NKAIN2: variants seen among roughly 807,000 people sequenced by gnomAD.
NKAIN2 encodes sodium/potassium transporting ATPase interacting 2, also known as sodium/potassium-transporting ATPase subunit beta-1-interacting protein 2.
A neutral mutation model predicts 32.6 loss-of-function variants in NKAIN2; 14 were observed. The observed-to-expected ratio is 0.43, with a 90% CI of 0.28 to 0.67. The LOEUF (loss-of-function observed/expected upper bound fraction) is 0.67. Ranked by LOEUF, NKAIN2 falls within the 30% of genes least tolerant of loss-of-function variation. The pLI, the probability that NKAIN2 is intolerant of heterozygous loss-of-function variation, is 0.17. For missense variants in NKAIN2, 198 were observed against 258.3 expected, an observed-to-expected ratio of 0.77 and a Z score of 1.60; for synonymous variants, 80 against 87.2, an observed-to-expected ratio of 0.92 and a Z score of 0.46.
intron 2 of NKAIN2, among the ~76,000 whole-genome samples, chr6:124,290,510 A>ATG (rs56389666): frequency 0.14 from 19,623 of 137,662 alleles, 1,505 homozygotes; most frequent in Non-Finnish European, 0.18. Flanking sequence ...TACCTCAGAA[A>ATG]TGTGTGTGTG....
Position 124,791,319 on chromosome 6 carries a change from G to T in NKAIN2, c.475-20G>T, listed in dbSNP as rs770172414. On this transcript the variant is annotated intron_variant, in intron 4 of 6. Coordinates refer to ENST00000368417, the MANE Select transcript of NKAIN2 (RefSeq NM_001040214.3). ...TTGGTGCCTTTTTCTGATGTCTAAA[G>T]CATCTCTGTTTTGTTTCAGCTGGCA... is the stretch of plus-strand genomic sequence containing the variant. The T allele has an allele frequency of 7.5e-6, 12 of 1,600,014 alleles. No individual in the cohort carries two copies. Among genetic ancestry groups the T allele is most frequent in the Non-Finnish European group, 9.4e-6 (11 of 1,168,944 alleles).
intron 1 of NKAIN2, among the ~76,000 whole-genome samples, chr6:124,242,149 C>G (rs1443924456): frequency 6.6e-6 from 1 of 152,136 alleles, no homozygotes; most frequent in African/African-American, 2.4e-5. Flanking sequence ...AACTATCCAT[C>G]TGACAAAGAG....
At chr6:124,157,181 G>C (rs1017102074) in intron 1 of NKAIN2, among the ~76,000 whole-genome samples, 1 of 146,458 alleles carries the variant, frequency 6.8e-6, no homozygotes, top group African/African-American at 2.5e-5. Flanking sequence ...AGATATTCTT[G>C]GGATACATAC....
At chr6:123,832,501 T>G (rs1313136137) in intron 1 of NKAIN2, among the ~76,000 whole-genome samples, 1 of 152,174 alleles carries the variant, frequency 6.6e-6, no homozygotes, top group Non-Finnish European at 1.5e-5. Context: ...GAAGCGCAAT[T>G]TTTGTATTCT....
At chr6:124,564,743 T>C (rs1288810243) in intron 3 of NKAIN2, among the ~76,000 whole-genome samples, 2 of 152,314 alleles carry the variant, frequency 1.3e-5, no homozygotes. Context: ...AGAGGATGAT[T>C]GCACAAGTTG....
intron 3 of NKAIN2, among the ~76,000 whole-genome samples, chr6:124,511,772 T>G (rs1247083029): frequency 6.6e-6 from 1 of 152,156 alleles, no homozygotes; most frequent in Non-Finnish European, 1.5e-5. Flanking sequence ...TCTATCCTTG[T>G]GCTCCCTAGG....
At chr6:124,693,464 G>A (rs996774178) in intron 4 of NKAIN2, among the ~76,000 whole-genome samples, 3 of 152,122 alleles carry the variant, frequency 2.0e-5, no homozygotes, top group Non-Finnish European at 4.4e-5. Context: ...AATGATTCAC[G>A]ACTGTTTACT....
intron 1 of NKAIN2, among the ~76,000 whole-genome samples, chr6:124,262,020 C>T (rs1314626352): frequency 4.6e-5 from 7 of 152,040 alleles, no homozygotes; most frequent in East Asian, 1.9e-4. Flanking sequence ...TGAAAATTTG[C>T]GTGTGCCACT....
rs74564404 is a variant in NKAIN2 at position 124,517,631 on chromosome 6, C to T, written c.274-140555C>T. Among the ~76,000 whole-genome samples, 1,492 of 152,192 alleles carry T rather than the reference C, an allele frequency of 9.8e-3. 25 individuals carry two copies. Among genetic ancestry groups the T allele is most frequent in the African/African-American group, 0.034 (1,431 of 41,510 alleles). On this transcript the variant is annotated intron_variant, in intron 3 of 6. Coordinates refer to ENST00000368417, the MANE Select transcript of NKAIN2 (RefSeq NM_001040214.3). ...GTCCTATCCTTTGCCTCCTAGAGAGCCCCTAGTTGTCTTGTAATATTCACC... is the reference window on the plus strand; with the variant it reads ...GTCCTATCCTTTGCCTCCTAGAGAGTCCCTAGTTGTCTTGTAATATTCACC...
At chr6:124,535,458 G>A (rs1410517279) in intron 3 of NKAIN2, among the ~76,000 whole-genome samples, 1 of 152,154 alleles carries the variant, frequency 6.6e-6, no homozygotes, top group Non-Finnish European at 1.5e-5. Flanking sequence ...TGACAATTAT[G>A]TTATAGAATG....
At chr6:124,360,727 A>G (rs895150808) in intron 3 of NKAIN2, among the ~76,000 whole-genome samples, 4 of 152,190 alleles carry the variant, frequency 2.6e-5, no homozygotes, top group African/African-American at 4.8e-5. Context: ...TACACATTTC[A>G]TATAATTATT....
intron 1 of NKAIN2, among the ~76,000 whole-genome samples, chr6:123,924,378 G>A (rs1011098980): frequency 1.3e-5 from 2 of 152,132 alleles, no homozygotes; most frequent in Non-Finnish European, 2.9e-5. Context: ...TGGAATTCAC[G>A]ATTTGTGTGA....
chr6:123,985,903 G>A (rs1001861636), intron 1 of NKAIN2, among the ~76,000 whole-genome samples: 2 of 152,094 alleles, frequency 1.3e-5, no homozygotes, highest in African/African-American at 4.8e-5. Context: ...AAAAAGCCTA[G>A]AAGCAGGAAA....
chr6:124,793,119 C>T (rs2114811584), intron 5 of NKAIN2, among the ~76,000 whole-genome samples: 1 of 152,098 alleles, frequency 6.6e-6, no homozygotes, highest in South Asian at 2.1e-4. Context: ...TGCCATGAGA[C>T]ATGCCGAAAT....
At chr6:123,947,202 G>C (rs1436394106) in intron 1 of NKAIN2, among the ~76,000 whole-genome samples, 1 of 152,118 alleles carries the variant, frequency 6.6e-6, no homozygotes, top group Non-Finnish European at 1.5e-5. Context: ...CTTCAGATCA[G>C]GTCTGTGTTC....
chr6:124,815,165 A>T (rs1781086108), intron 5 of NKAIN2, among the ~76,000 whole-genome samples: 1 of 150,038 alleles, frequency 6.7e-6, no homozygotes, highest in Non-Finnish European at 1.5e-5. Context: ...GAGCCCATCC[A>T]GATAAACAGG....
intron 4 of NKAIN2, among the ~76,000 whole-genome samples, chr6:124,738,997 T>A (rs1201492107): frequency 6.6e-6 from 1 of 151,944 alleles, no homozygotes; most frequent in Non-Finnish European, 1.5e-5. Flanking sequence ...TAAGTGTGTT[T>A]AATATATTCT....
intron 4 of NKAIN2, among the ~76,000 whole-genome samples, chr6:124,729,842 A>T (rs1054722278): frequency 2.0e-5 from 3 of 152,072 alleles, no homozygotes; most frequent in Non-Finnish European, 4.4e-5. Context: ...CCTTAAGCTG[A>T]TAAGCAACTT....
At chr6:124,662,801 A>C (rs148177473) in intron 4 of NKAIN2, among the ~76,000 whole-genome samples, 1 of 152,310 alleles carries the variant, frequency 6.6e-6, no homozygotes, top group East Asian at 1.9e-4. Context: ...CTTATTGTGC[A>C]TGTTGCTGTT....
Sources: allele counts gnomAD v4.1 joint callset (sites outside exome capture counted in the v4.1 genomes callset), GRCh38; gene constraint gnomAD v4.1.1; transcripts MANE v1.5; gene names NCBI Gene and HGNC (gene_info 2026-07-23, HGNC 2026-07-21).